The following DNAJC6 variants were observed in gnomAD, a reference collection of about 807,000 sequenced individuals.
DNAJC6 encodes the protein DnaJ heat shock protein family (Hsp40) member C6.
Under a neutral mutation model 110.0 loss-of-function variants are expected in DNAJC6, and 34 were observed. The observed-to-expected ratio is 0.31, with a 90% CI of 0.24 to 0.41. The LOEUF is 0.41. DNAJC6 is among the 10% of genes least tolerant of loss of function. The pLI is 1.00. For missense variants in DNAJC6, 1,031 were observed against 1,207.8 expected, an observed-to-expected ratio of 0.85 and a Z score of 2.17; for synonymous variants, 406 against 437.2, an observed-to-expected ratio of 0.93 and a Z score of 0.89.
At chr1:65,353,641 C>T (rs1293759925) in intron 1 of DNAJC6, among the ~76,000 whole-genome samples, 1 of 152,156 alleles carries the variant, frequency 6.6e-6, no homozygotes, top group East Asian at 1.9e-4. Context: ...TTGTATTTCT[C>T]ATTTTTTCCA....
intron 1 of DNAJC6, among the ~76,000 whole-genome samples, chr1:65,328,095 A>G (rs538642323): frequency 6.6e-6 from 1 of 152,362 alleles, no homozygotes; most frequent in Non-Finnish European, 1.5e-5. Flanking sequence ...TATACATTGA[A>G]TTAAACTACA....
intron 5 of DNAJC6, among the ~76,000 whole-genome samples, chr1:65,382,328 T>C (rs1023123034): frequency 1.3e-5 from 2 of 152,182 alleles, no homozygotes; most frequent in Non-Finnish European, 2.9e-5. Flanking sequence ...TTTAGTTGAG[T>C]TGAGGCTGAA....
rs1213683447 is a variant in DNAJC6, at chr1:65,300,058, A to AG, written c.-131+35126_-131+35127insG. Among the ~76,000 whole-genome samples the AG allele has an allele frequency of 2.5e-3, 382 of 151,084 alleles. 5 individuals are homozygous for AG. Among genetic ancestry groups the AG allele is most frequent in the African/African-American group, 8.3e-3 (342 of 41,206 alleles). On this transcript the variant is annotated intron_variant, in intron 1 of 19. Transcript: ENST00000263441. ...AACTCCATCTCAAAAAAAAAAAAAA[A>AG]AAAAAGAAAAAAAGTCTGAAATCCA...
At chr1:65,310,995 T>A (rs1237583264) in intron 1 of DNAJC6, among the ~76,000 whole-genome samples, 1 of 152,154 alleles carries the variant, frequency 6.6e-6, no homozygotes, top group African/African-American at 2.4e-5. Flanking sequence ...GCTTGTTTAT[T>A]TTAATTGTGT....
chr1:65,270,545 A>G (rs1407214885), intron 1 of DNAJC6, among the ~76,000 whole-genome samples: 1 of 152,178 alleles, frequency 6.6e-6, no homozygotes, highest in Non-Finnish European at 1.5e-5. Context: ...AATGAGATTG[A>G]GCTGAGTATA....
At position 65,382,017 on chromosome 1, in the gene DNAJC6, G is replaced by A. The variant is rs148706443; in HGVS notation, c.667-2176G>A. 3.2e-3 allele frequency among the ~76,000 whole-genome samples: 488 copies of A among 152,338 alleles called. 2 individuals are homozygous for A. The highest frequency in any genetic ancestry group is 0.011 in the African/African-American group (466 of 41,574). ...GTAATATGAAGAAACAGGAAGGAGA[G>A]GTGCCAGGCAAATGAAGAGAGGAGA... is the stretch of plus-strand genomic sequence containing the variant. On this transcript the variant is annotated intron_variant, in intron 5 of 18. Coordinates refer to ENST00000371069, the MANE Select transcript of DNAJC6 (RefSeq NM_001256864.2).
At chr1:65,276,700 G>A (rs747088620) in intron 1 of DNAJC6, among the ~76,000 whole-genome samples, 1 of 152,102 alleles carries the variant, frequency 6.6e-6, no homozygotes, top group Non-Finnish European at 1.5e-5. Flanking sequence ...TTTCTCGTTG[G>A]CTTCTTAGCC....
intron 1 of DNAJC6, among the ~76,000 whole-genome samples, chr1:65,328,808 A>T (rs1645263175): frequency 6.6e-6 from 1 of 152,152 alleles, no homozygotes; most frequent in South Asian, 2.1e-4. Flanking sequence ...AGTGGGAGGC[A>T]TTTTATAATT....
chr1:65,348,708 T>C (rs1184411455), intron 1 of DNAJC6, among the ~76,000 whole-genome samples: 5 of 151,602 alleles, frequency 3.3e-5, no homozygotes, highest in Non-Finnish European at 7.4e-5. Flanking sequence ...TTTTATGCAG[T>C]CTGATAATCT....
Position 65,413,122 on chromosome 1 carries a change from C to T in DNAJC6, c.*97C>T, listed in dbSNP as rs769340914. 1.2e-4 allele frequency: 122 copies of T among 1,002,222 alleles called. No individual in the cohort carries two copies. The highest frequency in any genetic ancestry group is 1.6e-4 in the Non-Finnish European group (107 of 656,270). 62.1% of individuals were successfully genotyped at this position (1,002,222 alleles called of 1,614,324 possible). ...GCAGATGAACCAAAAACTCCAGTAA[C>T]ATGTTTTCAGTACTAAACCGTTAAG... On this transcript the variant is annotated 3_prime_UTR_variant, in exon 19 of 19. Coordinates refer to ENST00000371069, the MANE Select transcript of DNAJC6 (RefSeq NM_001256864.2).
At position 65,289,385 on chromosome 1, in the gene DNAJC6, C is replaced by T. The variant is rs530113368; in HGVS notation, c.-131+24453C>T. On this transcript the variant is annotated intron_variant, in intron 1 of 19. Transcript: ENST00000263441. ...TAATCTTTTGTATTTTTAGTAGAGA[C>T]GGGGTTTTGCCGTGTTGGCCAAGCT... Among the ~76,000 whole-genome samples, 30 of 152,080 alleles carry T rather than the reference C, an allele frequency of 2.0e-4. 1 individual carries two copies. The highest frequency in any genetic ancestry group is 4.1e-4 in the South Asian group (2 of 4,824).
At chr1:65,280,770 A>T (rs954977004) in intron 1 of DNAJC6, among the ~76,000 whole-genome samples, 1 of 151,964 alleles carries the variant, frequency 6.6e-6, no homozygotes, top group Non-Finnish European at 1.5e-5. Flanking sequence ...TTTTGGTCTA[A>T]TTTTTTTCAT....
chr1:65,342,024 T>C (rs893532923), intron 1 of DNAJC6, among the ~76,000 whole-genome samples: 1 of 152,176 alleles, frequency 6.6e-6, no homozygotes, highest in African/African-American at 2.4e-5. Context: ...CTTGCAAATA[T>C]CCTTAGATTA....
At chr1:65,409,330 G>A (rs1454208836) in intron 17 of DNAJC6, among the ~76,000 whole-genome samples, 1 of 152,116 alleles carries the variant, frequency 6.6e-6, no homozygotes, top group African/African-American at 2.4e-5. Flanking sequence ...GTACAGCTGT[G>A]CCCTTTAATA....
upstream of DNAJC6, among the ~76,000 whole-genome samples, chr1:65,308,590 A>G (rs1008456138): frequency 3.9e-5 from 6 of 152,226 alleles, no homozygotes; most frequent in Admixed American, 3.9e-4. Flanking sequence ...TTAGGTACAC[A>G]GCTTAATTAA....
intron 17 of DNAJC6, 39 bp from the exon 18 acceptor site, chr1:65,411,211 G>A: frequency 6.3e-7 from 1 of 1,590,724 alleles, no homozygotes; most frequent in Non-Finnish European, 8.6e-7. Context: ...GAACTAGTAA[G>A]TAAGCATTTG....
chr1:65,271,005 A>G (rs1181368260), intron 1 of DNAJC6, among the ~76,000 whole-genome samples: 1 of 152,086 alleles, frequency 6.6e-6, no homozygotes, highest in Admixed American at 6.5e-5. Context: ...TTTTATTTAT[A>G]TTCTCTCAGC....
Position 65,386,903 on chromosome 1 carries a change from A to G in DNAJC6, c.1087A>G (p.Thr363Ala). 11 of 1,614,108 alleles carry G rather than the reference A, an allele frequency of 6.8e-6. No individual in the cohort carries two copies. Among genetic ancestry groups the G allele is most frequent in the Non-Finnish European group, 9.3e-6 (11 of 1,179,984 alleles). The change falls in exon 8 of 19, where the codon ACC becomes GCC. Residue 363 changes from threonine (T) to alanine (A), a missense_variant. Coordinates refer to ENST00000371069, the MANE Select transcript of DNAJC6 (RefSeq NM_001256864.2). ...TGTTTCCATGTATCACTTGAGGTCA[A>G]CCATTGGGAGCCGGCTACAGGCTAA... is the stretch of plus-strand genomic sequence containing the variant. ...VVVSMYHLRS[T>A]IGSRLQAKVT...
At chr1:65,369,679 T>G (rs1464246819) in intron 4 of DNAJC6, among the ~76,000 whole-genome samples, 1 of 152,162 alleles carries the variant, frequency 6.6e-6, no homozygotes, top group African/African-American at 2.4e-5. Flanking sequence ...ACATGATGAT[T>G]ATGTGATTGT....
Sources: gnomAD v4.1 joint callset for allele counts (sites outside exome capture counted in the v4.1 genomes callset) on GRCh38, gnomAD v4.1.1 for gene constraint, MANE v1.5 for transcripts, NCBI Gene and HGNC (gene_info 2026-07-23, HGNC 2026-07-21) for gene names.